The following SEC61A2 variants were observed in gnomAD, a reference collection of about 807,000 sequenced individuals.
SEC61A2 encodes protein transport protein Sec61 subunit alpha isoform 2.
In SEC61A2, 28 loss-of-function variants were observed where a neutral mutation model predicts 59.9. That is an observed-to-expected ratio of 0.47 (90% confidence interval 0.35 to 0.64). The LOEUF (loss-of-function observed/expected upper bound fraction) is 0.64, where lower values mean the gene tolerates loss of function less well. Ranked by LOEUF, SEC61A2 falls within the 30% of genes least tolerant of loss-of-function variation. SEC61A2 has a pLI of 0.01. For synonymous variants in SEC61A2, 202 were observed against 214.4 expected, an observed-to-expected ratio of 0.94 and a Z score of 0.50; for missense variants, 340 against 585.9, an observed-to-expected ratio of 0.58 and a Z score of 4.33.
intron 1 of SEC61A2, among the ~76,000 whole-genome samples, chr10:12,132,820 G>A (rs1449207828): frequency 1.3e-5 from 2 of 152,258 alleles, no homozygotes; most frequent in Middle Eastern, 3.4e-3. Context: ...GGGTACCACG[G>A]TAGAGTACAT....
intron 4 of SEC61A2, among the ~76,000 whole-genome samples, chr10:12,146,680 G>A (rs1316166826): frequency 6.6e-6 from 1 of 151,738 alleles, no homozygotes; most frequent in Non-Finnish European, 1.5e-5. Context: ...ACCACGCCCT[G>A]CTAATTTTTT....
Position 12,164,900 on chromosome 10 carries a change from C to G in SEC61A2, c.*446C>G. The G allele has an allele frequency of 2.1e-6, 2 of 974,494 alleles. No homozygotes were observed. The highest frequency in any genetic ancestry group is 2.4e-6 in the Non-Finnish European group (2 of 819,932). 60.4% of individuals were successfully genotyped at this position (974,494 alleles called of 1,614,324 possible). A position where few individuals can be genotyped will look rare whatever the true frequency, so the allele number is the denominator to read the frequency against. Reference sequence around the variant, plus strand: ...ATCTAATCTATATTTTAGATAATTACTTTTTATACTTTTTTAACTCATGGT... The same window carrying G: ...ATCTAATCTATATTTTAGATAATTAGTTTTTATACTTTTTTAACTCATGGT... On this transcript the variant is annotated 3_prime_UTR_variant, in exon 12 of 12. Transcript: ENST00000298428. The surrounding 1 kb of genome is among the most constrained non-coding windows in gnomAD (Gnocchi z 7.3).
chr10:12,134,072 T>C (rs949762776), intron 2 of SEC61A2, among the ~76,000 whole-genome samples: 2 of 152,254 alleles, frequency 1.3e-5, no homozygotes, highest in Non-Finnish European at 2.9e-5. Context: ...AGTGGCGCCA[T>C]CAAGGCTCAC....
Position 12,143,222 on chromosome 10 carries a change from C to T in SEC61A2, c.220+27C>T. 1 of 1,452,044 alleles carries T rather than the reference C, an allele frequency of 6.9e-7. No individual in the cohort carries two copies. The highest frequency in any genetic ancestry group is 9.7e-7 in the Non-Finnish European group (1 of 1,032,196). The allele number at this position is 1,452,044 out of a possible 1,614,324, so 89.9% of individuals were successfully genotyped here. ...TATGCGTGTCTTTTCTGTCTCCACA[C>T]TCCTACTCACAGCAAACAGATGGAA... On this transcript the variant is annotated intron_variant, in intron 4 of 11. Transcript: ENST00000298428. This position sits in a 1 kb window ranked among gnomAD's most constrained non-coding sequence, Gnocchi z 4.8.
At chr10:12,169,557 G>A, downstream of SEC61A2, 2 of 442,826 alleles carry the variant, frequency 4.5e-6, no homozygotes, top group Admixed American at 4.0e-5. The surrounding 1 kb of genome is among the most constrained non-coding windows in gnomAD (Gnocchi z 4.8). Context: ...CTCCAAATAC[G>A]CACCAGATAA....
chr10:12,141,038 T>TA (rs1362413792), intron 3 of SEC61A2, among the ~76,000 whole-genome samples: 10 of 152,146 alleles, frequency 6.6e-5, no homozygotes, highest in African/African-American at 2.4e-4. Flanking sequence ...TAGCTGGGAT[T>TA]ACAGGCACGA....
chr10:12,155,001 C>A lies in SEC61A2; in HGVS notation c.463-777C>A, dbSNP rs1014186496. ...GAAGGGGTCATATGACTGAGGAGGTCACTTGAAGGGCTAGGGACTGTTTTT... is the reference window on the plus strand; with the variant it reads ...GAAGGGGTCATATGACTGAGGAGGTAACTTGAAGGGCTAGGGACTGTTTTT... On this transcript the variant is annotated intron_variant, in intron 6 of 11. Coordinates refer to ENST00000298428, the MANE Select transcript of SEC61A2 (RefSeq NM_018144.4). The surrounding 1 kb of genome is among the most constrained non-coding windows in gnomAD (Gnocchi z 4.3). 1.3e-5 allele frequency among the ~76,000 whole-genome samples: 2 copies of A among 152,090 alleles called. No homozygotes were observed. The highest frequency in any genetic ancestry group is 2.1e-4 in the South Asian group (1 of 4,826).
intron 3 of SEC61A2, among the ~76,000 whole-genome samples, chr10:12,137,142 G>C (rs530003130): frequency 6.6e-6 from 1 of 152,166 alleles, no homozygotes; most frequent in East Asian, 1.9e-4. Flanking sequence ...CTAGGCTCAG[G>C]TGATGCTCCT....
chr10:12,140,125 T>C (rs577457467), intron 3 of SEC61A2, among the ~76,000 whole-genome samples: 134 of 152,316 alleles, frequency 8.8e-4, no homozygotes, highest in African/African-American at 3.1e-3. Context: ...GCTAGGCGTT[T>C]GCCTCATTTG....
At position 12,161,277 on chromosome 10, in the gene SEC61A2, A is replaced by G. The variant is rs1834520949; in HGVS notation, c.1167+156A>G. On this transcript the variant is annotated intron_variant, in intron 10 of 11. Coordinates refer to ENST00000298428, the MANE Select transcript of SEC61A2 (RefSeq NM_018144.4). The surrounding 1 kb of genome is among the most constrained non-coding windows in gnomAD (Gnocchi z 5.4). ...AACATAGCGAGACCCCGTCATGACT[A>G]AAAAAATACAAATAAAAATCGGCCG... 1.3e-5 allele frequency among the ~76,000 whole-genome samples: 2 copies of G among 152,046 alleles called. No homozygotes were observed. Among genetic ancestry groups the G allele is most frequent in the Non-Finnish European group, 2.9e-5 (2 of 68,000 alleles).
Position 12,130,201 on chromosome 10 carries a change from A to T in SEC61A2, c.7+407A>T, listed in dbSNP as rs542402129. Among the ~76,000 whole-genome samples the T allele has an allele frequency of 2.5e-3, 377 of 152,232 alleles. 1 individual carries two copies. The highest frequency in any genetic ancestry group is 8.7e-3 in the African/African-American group (360 of 41,526). On this transcript the variant is annotated intron_variant, in intron 1 of 11. Coordinates refer to ENST00000298428, the MANE Select transcript of SEC61A2 (RefSeq NM_018144.4). Reference sequence around the variant, plus strand: ...AAGCTCCCCTAACTCGTTTAATTTTAAAAAAAGTGATGCATGGCGTGTGTT... The same window carrying T: ...AAGCTCCCCTAACTCGTTTAATTTTTAAAAAAGTGATGCATGGCGTGTGTT...
rs1468126083 is a variant in SEC61A2 at position 12,156,518 on chromosome 10, G to A, written c.617-389G>A. Among the ~76,000 whole-genome samples the A allele has an allele frequency of 6.6e-6, 1 of 152,178 alleles. No homozygotes were observed. Among genetic ancestry groups the A allele is most frequent in the Admixed American group, 6.6e-5 (1 of 15,266 alleles). On this transcript the variant is annotated intron_variant, in intron 7 of 11. Coordinates refer to ENST00000298428, the MANE Select transcript of SEC61A2 (RefSeq NM_018144.4). This position sits in a 1 kb window ranked among gnomAD's most constrained non-coding sequence, Gnocchi z 5.2. ...GTGCGGTAAACTTCGAGGCAGGCTC[G>A]ATAGAGTGACATCTGTCTCTTATTC...
rs1834108210 is a variant in SEC61A2, at chr10:12,145,094, T to C, written c.220+1899T>C. ...GGAGGTGAGTGTGGGGTGGAAGAAA[T>C]GAAAGAAGAGGGAGGAGTGATGGGA... On this transcript the variant is annotated intron_variant, in intron 4 of 11. Transcript: ENST00000298428. The surrounding 1 kb of genome is among the most constrained non-coding windows in gnomAD (Gnocchi z 4.4). Among the ~76,000 whole-genome samples the C allele has an allele frequency of 6.6e-6, 1 of 150,930 alleles. No individual in the cohort carries two copies. Among genetic ancestry groups the C allele is most frequent in the Admixed American group, 6.6e-5 (1 of 15,124 alleles).
rs906760566 is a variant in SEC61A2, at chr10:12,136,088, T to C, written c.76-17T>C. ...TTCTTGGTTTTGATTGATGATTCTT[T>C]ACATTTTGTTGTACAGATCCAGTTT... On this transcript the variant is annotated splice_polypyrimidine_tract_variant and intron_variant, in intron 2 of 11. Transcript: ENST00000298428. 3.8e-6 allele frequency: 6 copies of C among 1,580,590 alleles called. No individual in the cohort carries two copies. In the African/African-American group the frequency reaches 8.1e-5, roughly 21 times the overall value.
intron 3 of SEC61A2, among the ~76,000 whole-genome samples, chr10:12,140,974 A>G (rs1834006361): frequency 6.6e-6 from 1 of 151,598 alleles, no homozygotes; most frequent in Admixed American, 6.6e-5. Flanking sequence ...ATGTCTGCTC[A>G]CTGCAACCTC....
chr10:12,161,786 A>G lies in SEC61A2; in HGVS notation c.1168-427A>G, dbSNP rs1268446680. 6.6e-6 allele frequency among the ~76,000 whole-genome samples: 1 copy of G among 152,176 alleles called. No individual in the cohort carries two copies. Among genetic ancestry groups the G allele is most frequent in the African/African-American group, 2.4e-5 (1 of 41,444 alleles). ...TAAATAAAAAATTTTTAAAAAAGTA[A>G]AATAAAACTTTGTTTTTGGAAAATT... On this transcript the variant is annotated intron_variant, in intron 10 of 11. Transcript: ENST00000298428. This position sits in a 1 kb window ranked among gnomAD's most constrained non-coding sequence, Gnocchi z 5.4.
rs1366634916 is a variant in SEC61A2 at position 12,156,334 on chromosome 10, C to T, written c.616+403C>T. On this transcript the variant is annotated intron_variant, in intron 7 of 11. Coordinates refer to ENST00000298428, the MANE Select transcript of SEC61A2 (RefSeq NM_018144.4). The surrounding 1 kb of genome is among the most constrained non-coding windows in gnomAD (Gnocchi z 5.2). ...CACCTGGAGCACTCCTACTCTGCTG[C>T]TCTTCTAATTGGCTTTGTAATAGCA... 6.6e-6 allele frequency among the ~76,000 whole-genome samples: 1 copy of T among 152,182 alleles called. No individual in the cohort carries two copies. Among genetic ancestry groups the T allele is most frequent in the African/African-American group, 2.4e-5 (1 of 41,450 alleles).
At chr10:12,166,574 C>G, downstream of SEC61A2, 1 of 340,096 alleles carries the variant, frequency 2.9e-6, no homozygotes, top group East Asian at 8.3e-5. Flanking sequence ...AGCATTCTGG[C>G]ATTAGCACTC....
intron 1 of SEC61A2, 96 bp from the exon 2 acceptor site, chr10:12,133,145 C>T: frequency 1.6e-6 from 1 of 625,066 alleles, no homozygotes; most frequent in Admixed American, 2.9e-5. Context: ...GGGTGAATTG[C>T]TGGTGAAAGA....
Sources: gnomAD v4.1 joint callset for allele counts (sites outside exome capture counted in the v4.1 genomes callset) on GRCh38, gnomAD v4.1.1 for gene constraint, Gnocchi (gnomAD v3.1) non-coding constraint, MANE v1.5 for transcripts, NCBI Gene and HGNC (gene_info 2026-07-23, HGNC 2026-07-21) for gene names.